AXIN2: variants seen among roughly 807,000 people sequenced by gnomAD.
AXIN2 encodes axin 2, also known as axin-2.
In AXIN2, 21 loss-of-function variants were observed where a neutral mutation model predicts 74.7. The ratio of observed to expected loss-of-function variants is 0.28; its 90% CI spans 0.20 to 0.40. The LOEUF (loss-of-function observed/expected upper bound fraction) is 0.40, where lower values mean the gene tolerates loss of function less well. AXIN2 is among the 10% of genes least tolerant of loss of function. AXIN2 has a pLI of 1.00. For missense variants in AXIN2, 1,144 were observed against 1,111.1 expected, an observed-to-expected ratio of 1.03 and a Z score of -0.42; for synonymous variants, 532 against 454.9, an observed-to-expected ratio of 1.17 and a Z score of -2.16.
intron 1 of AXIN2, 100 bp from the exon 2 acceptor site, chr17:65,558,836 T>A (rs960618233): frequency 2.0e-5 from 12 of 595,686 alleles, no homozygotes; most frequent in Non-Finnish European, 2.7e-5. Flanking sequence ...GTAAACAGGC[T>A]TTTCAACTCC....
chr17:65,552,888 C>G (rs1022138421), intron 2 of AXIN2, among the ~76,000 whole-genome samples: 1 of 151,912 alleles, frequency 6.6e-6, no homozygotes, highest in African/African-American at 2.4e-5. Context: ...ACTAGCCGGG[C>G]GTGGTGGCGC....
rs2144420146 is a variant in AXIN2, at chr17:65,534,054, C to T, written c.2263G>A (p.Gly755Ser). 1.2e-6 allele frequency: 2 copies of T among 1,614,260 alleles called. No homozygotes were observed. Among genetic ancestry groups the T allele is most frequent in the South Asian group, 2.2e-5 (2 of 91,086 alleles). ...TCACTGGCCTGGAGCGCGTGGACAC[C>T]TGCCAGTTTCTTTGGCTCTTTGTGA... ...EDHKEPKKLA[G>S]VHALQASELV... The change falls in exon 10 of 11, where the codon GGT (glycine) becomes AGT (serine). Residue 755 changes from glycine to serine, a missense_variant. Gly to Ser is a moderately conservative substitution (Grantham distance 56). Transcript: ENST00000307078.
chr17:65,558,612 G>GCTA lies in AXIN2; in HGVS notation c.6_8dup (p.Ser3dup). 1 of 1,606,582 alleles carries GCTA rather than the reference G, an allele frequency of 6.2e-7. No individual in the cohort carries two copies. The highest frequency in any genetic ancestry group is 8.5e-7 in the Non-Finnish European group (1 of 1,179,928). ...CCGGGAGGCAAGTCACCAACATAGCGCTACTCATGGTGAGGGAGCTCTTCC... is the reference window on the plus strand; with the variant it reads ...CCGGGAGGCAAGTCACCAACATAGCGCTACTACTCATGGTGAGGGAGCTCTTCC... On this transcript the variant is annotated inframe_insertion, in exon 2 of 11. Coordinates refer to ENST00000307078, the MANE Select transcript of AXIN2 (RefSeq NM_004655.4).
Position 65,553,853 on chromosome 17 carries a change from G to GT in AXIN2, c.815+3952_815+3953insA, listed in dbSNP as rs1223682376. 1.0e-4 allele frequency among the ~76,000 whole-genome samples: 15 copies of GT among 149,548 alleles called. 1 individual carries two copies. Among genetic ancestry groups the GT allele is most frequent in the Non-Finnish European group, 1.5e-5 (1 of 67,226 alleles). ...GATTACTTAAAAAAAAAGGCGGGGG[G>GT]GGGGGGAGGAAACTCAAACCACGCT... On this transcript the variant is annotated intron_variant, in intron 2 of 10. Coordinates refer to ENST00000307078, the MANE Select transcript of AXIN2 (RefSeq NM_004655.4).
intron 10 of AXIN2, among the ~76,000 whole-genome samples, chr17:65,531,667 G>A (rs1388814271): frequency 6.6e-6 from 1 of 152,140 alleles, no homozygotes; most frequent in African/African-American, 2.4e-5. Flanking sequence ...AGAGAGGAGA[G>A]AGGCCACATT....
At position 65,529,337 on chromosome 17, in the gene AXIN2, A is replaced by T; in HGVS notation, c.*639T>A. 4.2e-6 allele frequency: 1 copy of T among 240,188 alleles called. No homozygotes were observed. The highest frequency in any genetic ancestry group is 8.2e-6 in the Non-Finnish European group (1 of 122,264). The allele number at this position is 240,188 out of a possible 1,614,324, so 14.9% of individuals were successfully genotyped here. A position where few individuals can be genotyped will look rare whatever the true frequency, so the allele number is the denominator to read the frequency against. On this transcript the variant is annotated 3_prime_UTR_variant, in exon 11 of 11. Coordinates refer to ENST00000307078, the MANE Select transcript of AXIN2 (RefSeq NM_004655.4). ...CAAGACCTTTAAGACAAAACAGAGCAGCATAGGAAAAAAAAAAACAAAACG... is the reference window on the plus strand; with the variant it reads ...CAAGACCTTTAAGACAAAACAGAGCTGCATAGGAAAAAAAAAAACAAAACG...
At chr17:65,530,711 C>T (rs1240762447) in intron 10 of AXIN2, among the ~76,000 whole-genome samples, 2 of 152,238 alleles carry the variant, frequency 1.3e-5, no homozygotes, top group Admixed American at 6.5e-5. Flanking sequence ...GCCAGCCCAG[C>T]GCAGCTTCCC....
At chr17:65,537,916 C>G in intron 5 of AXIN2, 81 bp from the exon 6 acceptor site, 23 of 1,476,546 alleles carry the variant, frequency 1.6e-5, no homozygotes, top group Non-Finnish European at 2.0e-5. Flanking sequence ...ATTCGGCTCC[C>G]TACGCAGGAG....
At chr17:65,561,031 G>A (rs1030421761) in intron 1 of AXIN2, 1 of 148,994 alleles carries the variant, frequency 6.7e-6, no homozygotes, top group African/African-American at 2.4e-5. Context: ...CGGCCGGGGA[G>A]GGGGAACGGC....
chr17:65,559,541 T>C (rs1264321814), intron 1 of AXIN2: 1 of 150,990 alleles, frequency 6.6e-6, no homozygotes, highest in Admixed American at 6.6e-5. Context: ...ATCTTCAAAC[T>C]TTGAGAGAGA....
At position 65,537,751 on chromosome 17, in the gene AXIN2, C is replaced by T. The variant is rs773119996; in HGVS notation, c.1285G>A (p.Gly429Ser). 28 of 1,576,262 alleles carry T rather than the reference C, an allele frequency of 1.8e-5. No homozygotes were observed. Among genetic ancestry groups the T allele is most frequent in the Non-Finnish European group, 2.2e-5 (25 of 1,160,726 alleles). ...GTCTGCGGGTCTTCCTCGTAGCTGC[C>T]GGAGGGCAGTAGGGAGAGGGGGTGC... ...TQHPLSLLPS[G>S]SYEEDPQTIL... Residue 429 changes from glycine to serine, a missense_variant, in exon 6 of 11, where the codon GGC becomes AGC. Around this residue, in one of 4 missense-constraint regions of AXIN2, gnomAD observed 1,053 missense variants for 973.5 expected, o/e 1.08. Coordinates refer to ENST00000307078, the MANE Select transcript of AXIN2 (RefSeq NM_004655.4).
intron 4 of AXIN2, among the ~76,000 whole-genome samples, chr17:65,539,022 G>A (rs1010572430): frequency 2.0e-5 from 3 of 152,154 alleles, no homozygotes; most frequent in Non-Finnish European, 4.4e-5. Context: ...GAACACTGCT[G>A]AGCTTGGCTG....
At chr17:65,555,182 A>G (rs2044249594) in intron 2 of AXIN2, among the ~76,000 whole-genome samples, 1 of 152,214 alleles carries the variant, frequency 6.6e-6, no homozygotes. Flanking sequence ...AAGCCTGGCC[A>G]GTGCCCCAGG....
At chr17:65,542,554 A>C (rs925756130) in intron 3 of AXIN2, among the ~76,000 whole-genome samples, 2 of 152,222 alleles carry the variant, frequency 1.3e-5, no homozygotes, top group Admixed American at 6.5e-5. Context: ...CAAAGACCTG[A>C]AGAAGTATGG....
At chr17:65,534,604 T>C (rs1259477422) in intron 9 of AXIN2, among the ~76,000 whole-genome samples, 1 of 151,910 alleles carries the variant, frequency 6.6e-6, no homozygotes, top group African/African-American at 2.4e-5. Flanking sequence ...ATTTCCCCAT[T>C]TCTTCTGAGA....
intron 3 of AXIN2, among the ~76,000 whole-genome samples, chr17:65,545,731 C>A (rs1026245841): frequency 2.0e-5 from 3 of 152,124 alleles, no homozygotes; most frequent in African/African-American, 7.2e-5. Context: ...TCTCAGAGGC[C>A]CAAATGCCCA....
intron 2 of AXIN2, among the ~76,000 whole-genome samples, chr17:65,556,213 A>G (rs953154261): frequency 2.0e-5 from 3 of 152,012 alleles, no homozygotes; most frequent in South Asian, 2.1e-4. Context: ...CGAAGGTGAC[A>G]CTCTGGTCCC....
At chr17:65,550,829 C>G in intron 2 of AXIN2, among the ~76,000 whole-genome samples, 1 of 152,214 alleles carries the variant, frequency 6.6e-6, no homozygotes, top group East Asian at 1.9e-4. Context: ...CTCTGGTCTT[C>G]CAGCACCCAT....
chr17:65,533,157 C>CT (rs1360989031), intron 10 of AXIN2, among the ~76,000 whole-genome samples: 6 of 152,198 alleles, frequency 3.9e-5, no homozygotes, highest in African/African-American at 1.2e-4. Flanking sequence ...CAGCATGGAC[C>CT]TTCTCAAGGG....
Sources: gnomAD v4.1 joint callset for allele counts (sites outside exome capture counted in the v4.1 genomes callset) on GRCh38, gnomAD v4.1.1 for gene constraint, gnomAD v4.1.1 regional missense constraint, MANE v1.5 for transcripts, NCBI Gene and HGNC (gene_info 2026-07-23, HGNC 2026-07-21) for gene names.